The following GGA2 variants were observed in gnomAD, a reference collection of about 807,000 sequenced individuals.
GGA2 encodes golgi associated, gamma adaptin ear containing, ARF binding protein 2.
In GGA2, 48 loss-of-function variants were observed where a neutral mutation model predicts 79.5. The ratio of observed to expected loss-of-function variants is 0.60; its 90% CI spans 0.48 to 0.77. The LOEUF (loss-of-function observed/expected upper bound fraction) is 0.77, where lower values mean the gene tolerates loss of function less well. Ranked by LOEUF, GGA2 falls within the 30% of genes least tolerant of loss-of-function variation. The probability of loss-of-function intolerance (pLI) is 0.00; values close to 1 mark genes in which losing one functional copy is unlikely to be tolerated. For synonymous variants in GGA2, 317 were observed against 302.0 expected (o/e 1.05, Z -0.51); for missense variants, 770 against 774.0 (o/e 0.99, Z 0.06).
chr16:23,467,387 A>AACACATACACACACACAC lies in GGA2; in HGVS notation c.*202_*203insGTGTGTGTGTGTATGTGT. 1 of 325,948 alleles carries AACACATACACACACACAC rather than the reference A, an allele frequency of 3.1e-6. No individual in the cohort carries two copies. The highest frequency in any genetic ancestry group is 5.4e-6 in the Non-Finnish European group (1 of 184,300). The allele number at this position is 325,948 out of a possible 1,614,324, so 20.2% of individuals were successfully genotyped here. A position where few individuals can be genotyped will look rare whatever the true frequency, so the allele number is the denominator to read the frequency against. On this transcript the variant is annotated 3_prime_UTR_variant, in exon 17 of 17. Transcript: ENST00000309859. ...GCCCTGTGCTACCACCCTCTCCCCG[A>AACACATACACACACACAC]ACACACACACACACACACACACACA...
rs572114303 is a variant in GGA2, at chr16:23,516,170, G to C, written c.61+3417C>G. On this transcript the variant is annotated intron_variant, in intron 2 of 5. Transcript: ENST00000569300. ...CTACAGGCACACGCCACCATGCCCG[G>C]CCAATTTTTTTTTCTATTTTTTGTA... is the stretch of plus-strand genomic sequence containing the variant. Among the ~76,000 whole-genome samples the C allele has an allele frequency of 1.6e-3, 243 of 149,598 alleles. 2 individuals carry two copies. The highest frequency in any genetic ancestry group is 6.0e-3 in the African/African-American group (236 of 39,528).
intron 13 of GGA2, among the ~76,000 whole-genome samples, chr16:23,476,034 C>T (rs756829201): frequency 1.3e-5 from 2 of 152,188 alleles, no homozygotes; most frequent in African/African-American, 2.4e-5. Flanking sequence ...TTGTACCTGT[C>T]GGGCAGTCCC....
intron 1 of GGA2, among the ~76,000 whole-genome samples, chr16:23,507,861 T>C (rs1247374700): frequency 1.3e-5 from 2 of 151,478 alleles, no homozygotes; most frequent in African/African-American, 2.4e-5. Context: ...GGGAGGCTGA[T>C]GTGGGAAAAA....
chr16:23,496,049 C>T (rs545767916), intron 1 of GGA2, among the ~76,000 whole-genome samples: 17 of 152,186 alleles, frequency 1.1e-4, no homozygotes, highest in South Asian at 4.2e-4. Context: ...CCTGTAATCC[C>T]GGCATTTTGG....
At chr16:23,469,649 T>C (rs756380219) in intron 15 of GGA2, 32 of 164,740 alleles carry the variant, frequency 1.9e-4, no homozygotes, top group Non-Finnish European at 3.8e-4. Flanking sequence ...ATGTGCTTCA[T>C]GCCCGGTGAG....
At chr16:23,490,974 A>G (rs1434363629) in intron 5 of GGA2, among the ~76,000 whole-genome samples, 1 of 152,186 alleles carries the variant, frequency 6.6e-6, no homozygotes, top group Non-Finnish European at 1.5e-5. Flanking sequence ...TGGGAGGATC[A>G]TTTGAGCCCA....
intron 1 of GGA2, among the ~76,000 whole-genome samples, chr16:23,510,040 A>G (rs1259286380): frequency 7.6e-6 from 1 of 131,474 alleles, no homozygotes; most frequent in Non-Finnish European, 1.6e-5. Context: ...CAGGTCACGT[A>G]GCCATTGGGG....
At chr16:23,484,038 C>T (rs993423573) in intron 8 of GGA2, among the ~76,000 whole-genome samples, 5 of 150,578 alleles carry the variant, frequency 3.3e-5, no homozygotes, top group African/African-American at 4.9e-5. Context: ...CCTGTAATCC[C>T]AGCACTTCAG....
chr16:23,522,645 T>G (rs908434943), upstream of GGA2: 7 of 152,198 alleles, frequency 4.6e-5, no homozygotes, highest in African/African-American at 1.4e-4. Context: ...CAACAAACTC[T>G]GTAATCGCCT....
Position 23,463,648 on chromosome 16 carries a change from C to G in GGA2, c.*3942G>C, listed in dbSNP as rs569994230. 6.6e-6 allele frequency: 1 copy of G among 152,208 alleles called. No individual in the cohort carries two copies. Among genetic ancestry groups the G allele is most frequent in the Non-Finnish European group, 1.5e-5 (1 of 68,040 alleles). The allele number at this position is 152,208 out of a possible 1,614,324, so 9.4% of individuals were successfully genotyped here. On this transcript the variant is annotated 3_prime_UTR_variant, in exon 17 of 17. Coordinates refer to ENST00000309859, the MANE Select transcript of GGA2 (RefSeq NM_015044.4). ...CCAAAGATTACCACTGTCAGATGTG[C>G]ACACAAACATCTTGGTGCATCGCTT...
chr16:23,509,517 T>C (rs563582388), intron 1 of GGA2, among the ~76,000 whole-genome samples: 162 of 152,240 alleles, frequency 1.1e-3, no homozygotes, highest in African/African-American at 3.8e-3. Flanking sequence ...GCAAGGACCC[T>C]GTGTTATGCA....
intron 16 of GGA2, among the ~76,000 whole-genome samples, chr16:23,468,231 G>A (rs1350626979): frequency 6.6e-6 from 1 of 152,128 alleles, no homozygotes; most frequent in Non-Finnish European, 1.5e-5. Flanking sequence ...AGGCTGGAGT[G>A]CAGTGGTGCG....
At chr16:23,478,290 T>G in intron 13 of GGA2, 78 bp downstream of exon 13, 1 of 1,124,508 alleles carries the variant, frequency 8.9e-7, no homozygotes, top group Non-Finnish European at 1.3e-6. Context: ...TAGAGCACCA[T>G]TCTCTGGCCC....
chr16:23,467,483 G>A lies in GGA2; in HGVS notation c.*107C>T. 9.1e-6 allele frequency: 6 copies of A among 662,214 alleles called. No homozygotes were observed. The highest frequency in any genetic ancestry group is 1.7e-5 in the Non-Finnish European group (6 of 359,308). The allele number at this position is 662,214 out of a possible 1,614,324, so 41.0% of individuals were successfully genotyped here. A position where few individuals can be genotyped will look rare whatever the true frequency, so the allele number is the denominator to read the frequency against. ...GGTTGACACCCAGAGCCTGACGTCA[G>A]GATAGGACTCTTGGCACTCCGCACT... On this transcript the variant is annotated 3_prime_UTR_variant, in exon 17 of 17. Coordinates refer to ENST00000309859, the MANE Select transcript of GGA2 (RefSeq NM_015044.4).
rs1189628714 is a variant in GGA2, at chr16:23,464,295, A to G, written c.*3295T>C. ...AATAGGAAGAGTAATTAACTGCAGC[A>G]AAAGGTTAGGACAAAACATGGCATT... On this transcript the variant is annotated 3_prime_UTR_variant, in exon 17 of 17. Transcript: ENST00000309859. The G allele has an allele frequency of 2.6e-5, 4 of 152,204 alleles. No individual in the cohort carries two copies. The highest frequency in any genetic ancestry group is 2.6e-4 in the Admixed American group (4 of 15,276). 9.4% of individuals were successfully genotyped at this position (152,204 alleles called of 1,614,324 possible).
rs1361814398 is a variant in GGA2, at chr16:23,510,293, TGCGCCGAAGGC to T, written c.91+17_91+27del. On this transcript the variant is annotated intron_variant, in intron 1 of 16. Coordinates refer to ENST00000309859, the MANE Select transcript of GGA2 (RefSeq NM_015044.4). The stretch of plus-strand genomic sequence containing the variant: ...GAGGCCTCACGTGCGGCGCAGCGGC[TGCGCCGAAGGC>T]CTGCCAGGCTACTCACTGAGCCACA... 1.4e-6 allele frequency: 2 copies of T among 1,381,480 alleles called. No homozygotes were observed. The highest frequency in any genetic ancestry group is 1.9e-6 in the Non-Finnish European group (2 of 1,051,088). The allele number at this position is 1,381,480 out of a possible 1,614,324, so 85.6% of individuals were successfully genotyped here. A position where few individuals can be genotyped will look rare whatever the true frequency, so the allele number is the denominator to read the frequency against.
chr16:23,475,912 A>G (rs1409912954), intron 13 of GGA2, among the ~76,000 whole-genome samples: 2 of 150,214 alleles, frequency 1.3e-5, no homozygotes, highest in Non-Finnish European at 3.0e-5. Flanking sequence ...CCTGGGCAAC[A>G]GAGTGAGACT....
rs1964419034 is a variant in GGA2 at position 23,465,136 on chromosome 16, G to A, written c.*2454C>T. 1 of 590,520 alleles carries A rather than the reference G, an allele frequency of 1.7e-6. No individual in the cohort carries two copies. Among genetic ancestry groups the A allele is most frequent in the East Asian group, 2.8e-5 (1 of 35,764 alleles). 36.6% of individuals were successfully genotyped at this position (590,520 alleles called of 1,614,324 possible). A position where few individuals can be genotyped will look rare whatever the true frequency, so the allele number is the denominator to read the frequency against. On this transcript the variant is annotated 3_prime_UTR_variant, in exon 17 of 17. Coordinates refer to ENST00000309859, the MANE Select transcript of GGA2 (RefSeq NM_015044.4). ...TCCTTCAGGGTGGTGCCTGGCTCAG[G>A]GTAGCTGGTCAACAACTAGCTTTTA...
intron 10 of GGA2, chr16:23,480,173 T>C: frequency 5.0e-6 from 2 of 403,010 alleles, no homozygotes; most frequent in Non-Finnish European, 9.3e-6. Context: ...GCTCAGGCCA[T>C]TCTGAGGCTT....
Sources: gnomAD v4.1 joint callset for allele counts (sites outside exome capture counted in the v4.1 genomes callset) on GRCh38, gnomAD v4.1.1 for gene constraint, MANE v1.5 for transcripts, NCBI Gene and HGNC (gene_info 2026-07-23, HGNC 2026-07-21) for gene names.